The following SRL variants were observed in gnomAD, a reference collection of about 807,000 sequenced individuals.
SRL encodes sarcalumenin.
In SRL, 23 loss-of-function variants were observed where a neutral mutation model predicts 39.5. The observed-to-expected ratio is 0.58, with a 90% CI of 0.42 to 0.82. The LOEUF (loss-of-function observed/expected upper bound fraction) is 0.82. Among genes scored for constraint, SRL ranks in the 40% least tolerant of loss-of-function variants. The pLI, the probability that SRL is intolerant of heterozygous loss-of-function variation, is 0.00. For missense variants in SRL, 592 were observed against 607.8 expected, an observed-to-expected ratio of 0.97 and a Z score of 0.27; for synonymous variants, 272 against 237.4, an observed-to-expected ratio of 1.15 and a Z score of -1.34.
At chr16:4,229,079 G>T (rs1471688556) in intron 1 of SRL, among the ~76,000 whole-genome samples, 1 of 151,996 alleles carries the variant, frequency 6.6e-6, no homozygotes, top group Non-Finnish European at 1.5e-5. Context: ...AATCAACCCA[G>T]ATGCCCACCA....
Position 4,192,422 on chromosome 16 carries a change from G to C in SRL, c.1153C>G (p.Leu385Val). 2 of 1,614,236 alleles carry C rather than the reference G, an allele frequency of 1.2e-6. No homozygotes were observed. Among genetic ancestry groups the C allele is most frequent in the East Asian group, 2.2e-5 (1 of 44,892 alleles). The change falls in exon 6 of 6, where the codon CTG (leucine) becomes GTG (valine). Residue 385 changes from leucine to valine, a missense_variant. Leu to Val is a conservative substitution (Grantham distance 32). Transcript: ENST00000399609. The surrounding 1 kb of genome is among the most constrained non-coding windows in gnomAD (Gnocchi z 4.0). ...PDKFYIFKTI[L>V]AKTNVSKFDL... Reference sequence around the variant, plus strand: ...AATTTGCTGACATTGGTCTTTGCCAGGATGGTCTTGAAGATGTAGAATTTA... The same window carrying C: ...AATTTGCTGACATTGGTCTTTGCCACGATGGTCTTGAAGATGTAGAATTTA...
chr16:4,198,864 C>G (rs542991023), intron 3 of SRL, among the ~76,000 whole-genome samples: 17 of 152,268 alleles, frequency 1.1e-4, no homozygotes, highest in Non-Finnish European at 2.2e-4. Flanking sequence ...CTTCCGAAGG[C>G]CATGTTGGGG....
At chr16:4,197,762 A>G (rs764616453) in intron 4 of SRL, 37 bp downstream of exon 4, 1 of 1,421,692 alleles carries the variant, frequency 7.0e-7, no homozygotes. Flanking sequence ...TACATACAAC[A>G]TTCAAATCCC....
At chr16:4,234,544 A>T (rs773052221) in intron 1 of SRL, among the ~76,000 whole-genome samples, 1 of 152,196 alleles carries the variant, frequency 6.6e-6, no homozygotes, top group Non-Finnish European at 1.5e-5. Context: ...TAGATGGAAC[A>T]GGACTTCTCT....
intron 1 of SRL, among the ~76,000 whole-genome samples, chr16:4,222,835 T>A (rs1389019915): frequency 2.6e-5 from 4 of 152,124 alleles, no homozygotes; most frequent in Non-Finnish European, 5.9e-5. Context: ...GGCTCACGCC[T>A]AGAATCCCAG....
In SRL at chr16:4,192,846, C is replaced by A; in HGVS notation, c.729G>T (p.Leu243Phe). The change falls in exon 6 of 6, where the codon TTG (leucine) becomes TTT (phenylalanine). Residue 243 changes from leucine (L) to phenylalanine (F), a missense_variant. Coordinates refer to ENST00000399609, the MANE Select transcript of SRL (RefSeq NM_001098814.2). This position sits in a 1 kb window ranked among gnomAD's most constrained non-coding sequence, Gnocchi z 4.0. ...TCCTTATCTGGGATTCACGCCCCTT[C>A]AACTGGCGGAAGAGCATCTCCAGCT... The part of the protein sequence containing the change: ...GLELEMLFRQ[L>F]KGRESQIRII... 6.2e-7 allele frequency: 1 copy of A among 1,614,196 alleles called. No homozygotes were observed. The highest frequency in any genetic ancestry group is 1.1e-5 in the South Asian group (1 of 91,084).
At chr16:4,225,870 C>T (rs972827802) in intron 1 of SRL, among the ~76,000 whole-genome samples, 1 of 152,014 alleles carries the variant, frequency 6.6e-6, no homozygotes, top group African/African-American at 2.4e-5. Flanking sequence ...CAACATCCTA[C>T]GGTGACCTGG....
At chr16:4,201,579 C>T (rs77562628) in intron 3 of SRL, among the ~76,000 whole-genome samples, 1 of 136,730 alleles carries the variant, frequency 7.3e-6, no homozygotes, top group East Asian at 1.9e-4. Context: ...GCCCGGCCAT[C>T]GGATTGTTTT....
At chr16:4,226,314 A>G (rs1327948967) in intron 1 of SRL, among the ~76,000 whole-genome samples, 4 of 152,170 alleles carry the variant, frequency 2.6e-5, no homozygotes, top group Non-Finnish European at 5.9e-5. Flanking sequence ...GGATGGATGA[A>G]TGAATGGAAG....
At chr16:4,217,577 A>AC (rs543568381) in intron 1 of SRL, among the ~76,000 whole-genome samples, 2 of 150,214 alleles carry the variant, frequency 1.3e-5, no homozygotes, top group Non-Finnish European at 3.0e-5. Flanking sequence ...TGGCGCCCCC[A>AC]CCCCCCGCTG....
intron 1 of SRL, among the ~76,000 whole-genome samples, chr16:4,218,462 A>G (rs2052486257): frequency 6.6e-6 from 1 of 152,012 alleles, no homozygotes; most frequent in Non-Finnish European, 1.5e-5. Flanking sequence ...CCCTTCAGAA[A>G]CCACTCGGGC....
intron 1 of SRL, among the ~76,000 whole-genome samples, chr16:4,220,588 A>T (rs1420945107): frequency 6.6e-6 from 1 of 152,196 alleles, no homozygotes; most frequent in Non-Finnish European, 1.5e-5. Flanking sequence ...CCCGCCCCTC[A>T]GGCCGGGCCT....
chr16:4,227,526 T>G (rs559380301), intron 1 of SRL, among the ~76,000 whole-genome samples: 1 of 144,718 alleles, frequency 6.9e-6, no homozygotes, highest in Non-Finnish European at 1.5e-5. Flanking sequence ...GATGAGTAGA[T>G]GGATGATGGG....
chr16:4,198,786 A>G (rs968664558), intron 3 of SRL, among the ~76,000 whole-genome samples: 1 of 152,294 alleles, frequency 6.6e-6, no homozygotes, highest in Middle Eastern at 3.4e-3. Context: ...TCTAAAGTCC[A>G]TGACAAATTT....
chr16:4,233,645 A>G lies in SRL; in HGVS notation c.61+8362T>C, dbSNP rs993436095. Among the ~76,000 whole-genome samples, 3 of 151,912 alleles carry G rather than the reference A, an allele frequency of 2.0e-5. No homozygotes were observed. In the South Asian group the frequency reaches 6.2e-4, roughly 32 times the overall value. On this transcript the variant is annotated intron_variant, in intron 1 of 5. Coordinates refer to ENST00000399609, the MANE Select transcript of SRL (RefSeq NM_001098814.2). ...GCTCCTGAGGGCAGAGACACAACTC[A>G]TTCCCGCCTGCACAGTGCAGCTGGC...
chr16:4,224,722 G>GAA (rs954991274), intron 1 of SRL, among the ~76,000 whole-genome samples: 4 of 130,894 alleles, frequency 3.1e-5, no homozygotes, highest in African/African-American at 5.5e-5. Flanking sequence ...CCTATCTCGA[G>GAA]AAAAAAAAAA....
At chr16:4,201,876 G>C (rs916503703) in intron 3 of SRL, among the ~76,000 whole-genome samples, 2 of 151,128 alleles carry the variant, frequency 1.3e-5, no homozygotes, top group Admixed American at 1.3e-4. Flanking sequence ...GGCTGGTCTC[G>C]AACTCCTGAC....
intron 1 of SRL, among the ~76,000 whole-genome samples, chr16:4,226,375 A>AGGAT (rs954399349): frequency 2.6e-5 from 4 of 151,828 alleles, no homozygotes; most frequent in Non-Finnish European, 4.4e-5. Flanking sequence ...GATGAATGGA[A>AGGAT]GGATGGATGG....
chr16:4,221,238 T>C (rs2052527212), intron 1 of SRL, among the ~76,000 whole-genome samples: 1 of 151,990 alleles, frequency 6.6e-6, no homozygotes, highest in Non-Finnish European at 1.5e-5. Context: ...TTAGTAGAGA[T>C]GGGTTTCACC....
Sources: allele counts gnomAD v4.1 joint callset (sites outside exome capture counted in the v4.1 genomes callset), GRCh38; gene constraint gnomAD v4.1.1; non-coding constraint Gnocchi (gnomAD v3.1); transcripts MANE v1.5; gene names NCBI Gene and HGNC (gene_info 2026-07-23, HGNC 2026-07-21).